Variants in NALCN observed in about 807,000 individuals in gnomAD.
The protein encoded by NALCN is sodium leak channel NALCN.
NALCN carries 111 observed loss-of-function variants against 225.3 expected under a neutral mutation model. The ratio of observed to expected loss-of-function variants is 0.49; its 90% CI spans 0.42 to 0.58. The LOEUF is 0.58. Among genes scored for constraint, NALCN ranks in the 20% least tolerant of loss-of-function variants. The pLI, the probability that NALCN is intolerant of heterozygous loss-of-function variation, is 0.00. For synonymous variants in NALCN, 764 were observed against 769.0 expected (o/e 0.99, Z 0.11); for missense variants, 1,378 against 2,202.4 (o/e 0.63, Z 7.49).
chr13:101,365,803 G>A lies in NALCN; in HGVS notation c.644+10897C>T, dbSNP rs1010889950. Among the ~76,000 whole-genome samples the A allele has an allele frequency of 1.1e-4, 16 of 152,236 alleles. No individual in the cohort carries two copies. The East Asian group carries it at 2.9e-3, about 28-fold the overall frequency. On this transcript the variant is annotated intron_variant, in intron 6 of 43. Transcript: ENST00000251127. ...TGATCACCCTACCTCTGGGCTTAAA[G>A]CTAGTGGTCCAGCCATCGCGAATAT...
At chr13:101,124,805 T>C (rs142316304) in intron 17 of NALCN, 124 bp from the exon 18 acceptor site, 3 of 866,342 alleles carry the variant, frequency 3.5e-6, no homozygotes, top group East Asian at 2.5e-5. Flanking sequence ...AGCATCATCG[T>C]ACAATTGACA....
At chr13:101,245,967 G>A (rs2041883223) in intron 11 of NALCN, among the ~76,000 whole-genome samples, 1 of 152,176 alleles carries the variant, frequency 6.6e-6, no homozygotes, top group African/African-American at 2.4e-5. Context: ...GGTGGCCAAT[G>A]GGAAACCTCT....
intron 7 of NALCN, among the ~76,000 whole-genome samples, chr13:101,305,264 C>T (rs1015338115): frequency 9.9e-5 from 15 of 152,156 alleles, no homozygotes; most frequent in African/African-American, 3.1e-4. Context: ...TTAATCTTGT[C>T]ACTTTCTGCC....
chr13:101,325,780 A>G (rs1371322606), intron 7 of NALCN, among the ~76,000 whole-genome samples: 1 of 152,202 alleles, frequency 6.6e-6, no homozygotes, highest in African/African-American at 2.4e-5. Flanking sequence ...TGGTAAGAAT[A>G]TGTAAGAGGT....
chr13:101,095,422 C>T, intron 28 of NALCN, 152 bp downstream of exon 28: 1 of 564,722 alleles, frequency 1.8e-6, no homozygotes, highest in Non-Finnish European at 3.0e-6. Context: ...TTCTATCTTC[C>T]AATATAATCT....
intron 14 of NALCN, among the ~76,000 whole-genome samples, chr13:101,187,382 T>C (rs1328630134): frequency 1.3e-5 from 2 of 152,130 alleles, no homozygotes; most frequent in African/African-American, 2.4e-5. Flanking sequence ...GGAGGACTAC[T>C]ATATATACAA....
At chr13:101,211,041 C>A (rs1383912211) in intron 13 of NALCN, among the ~76,000 whole-genome samples, 1 of 151,978 alleles carries the variant, frequency 6.6e-6, no homozygotes, top group Non-Finnish European at 1.5e-5. Context: ...CATACAGACA[C>A]AAATGTATGA....
At chr13:101,331,630 G>A (rs538318094) in intron 7 of NALCN, among the ~76,000 whole-genome samples, 6 of 152,130 alleles carry the variant, frequency 3.9e-5, no homozygotes, top group South Asian at 2.1e-4. Context: ...TTGAGTTTCC[G>A]TTGTTTAAAA....
In NALCN at chr13:101,255,289, G is replaced by T. The variant is rs1206727468; in HGVS notation, c.1266+3154C>A. 2.0e-5 allele frequency among the ~76,000 whole-genome samples: 3 copies of T among 152,122 alleles called. No individual in the cohort carries two copies. In the East Asian group the frequency reaches 5.8e-4, roughly 29 times the overall value. ...TTTGTTGGAATTTCTTAAGGTATGA[G>T]GATAAATCATCTACCATACATAAAC... On this transcript the variant is annotated intron_variant, in intron 11 of 43. Coordinates refer to ENST00000251127, the MANE Select transcript of NALCN (RefSeq NM_052867.4).
intron 20 of NALCN, among the ~76,000 whole-genome samples, chr13:101,108,567 G>A (rs1036211440): frequency 6.6e-6 from 1 of 152,200 alleles, no homozygotes; most frequent in African/African-American, 2.4e-5. Flanking sequence ...GCTATTTGAG[G>A]AAAGACTAGA....
chr13:101,370,891 T>C (rs553831059), intron 6 of NALCN, among the ~76,000 whole-genome samples: 1 of 152,268 alleles, frequency 6.6e-6, no homozygotes, highest in South Asian at 2.1e-4. Context: ...TGAGGCCCCT[T>C]TGTAATCCCT....
At chr13:101,189,656 G>A (rs978125742) in intron 14 of NALCN, among the ~76,000 whole-genome samples, 16 of 152,156 alleles carry the variant, frequency 1.1e-4, no homozygotes, top group Admixed American at 1.0e-3. Flanking sequence ...AGTCTTGTAC[G>A]ACACCACATT....
intron 11 of NALCN, among the ~76,000 whole-genome samples, chr13:101,247,992 G>A (rs2041950951): frequency 6.6e-6 from 1 of 152,160 alleles, no homozygotes; most frequent in East Asian, 1.9e-4. Context: ...CAAAGGATGT[G>A]ATCTCGTTCC....
chr13:101,154,095 G>C (rs2037786767), intron 15 of NALCN, among the ~76,000 whole-genome samples: 1 of 152,160 alleles, frequency 6.6e-6, no homozygotes, highest in African/African-American at 2.4e-5. Flanking sequence ...CACGCGTGCT[G>C]GATATGATGC....
At chr13:101,414,957 C>CAAACATATATATTTCAAAA (rs1566668722) in intron 1 of NALCN, among the ~76,000 whole-genome samples, 1 of 151,076 alleles carries the variant, frequency 6.6e-6, no homozygotes, top group African/African-American at 2.4e-5. Flanking sequence ...TCAAAGTATA[C>CAAACATATATATTTCAAAA]TACAGAAGAA....
chr13:101,110,698 C>A lies in NALCN; in HGVS notation c.2295-10G>T. ...TCCATGTCTTAGTGACCTAAAACAA[C>A]CACAGGCACTGGTTAATACATCTCA... On this transcript the variant is annotated splice_polypyrimidine_tract_variant and intron_variant, in intron 19 of 43. Coordinates refer to ENST00000251127, the MANE Select transcript of NALCN (RefSeq NM_052867.4). 1 of 1,613,894 alleles carries A rather than the reference C, an allele frequency of 6.2e-7. No individual in the cohort carries two copies. The highest frequency in any genetic ancestry group is 8.5e-7 in the Non-Finnish European group (1 of 1,179,820).
chr13:101,334,517 G>A (rs1269815251), intron 7 of NALCN, among the ~76,000 whole-genome samples: 4 of 113,132 alleles, frequency 3.5e-5, no homozygotes, highest in Non-Finnish European at 5.5e-5. Context: ...TACAGAGTAC[G>A]GAATACGAAA....
chr13:101,335,689 C>CA (rs1463680079), intron 7 of NALCN, among the ~76,000 whole-genome samples: 3 of 147,750 alleles, frequency 2.0e-5, no homozygotes, highest in Admixed American at 1.3e-4. Context: ...ATAAATGCAT[C>CA]AGAAAAACCC....
intron 17 of NALCN, among the ~76,000 whole-genome samples, chr13:101,129,041 G>C (rs1322816874): frequency 1.3e-5 from 2 of 152,210 alleles, no homozygotes; most frequent in Admixed American, 6.5e-5. Flanking sequence ...GGAACAGAGT[G>C]TGTGTGTTTC....
Sources: gnomAD v4.1 joint callset for allele counts (sites outside exome capture counted in the v4.1 genomes callset) on GRCh38, gnomAD v4.1.1 for gene constraint, MANE v1.5 for transcripts, NCBI Gene and HGNC (gene_info 2026-07-23, HGNC 2026-07-21) for gene names.